ASCC1: variants seen among roughly 807,000 people sequenced by gnomAD.
ASCC1 encodes the protein activating signal cointegrator 1 complex subunit 1.
A neutral mutation model predicts 46.6 loss-of-function variants in ASCC1; 35 were observed. The ratio of observed to expected loss-of-function variants is 0.75; its 90% CI spans 0.57 to 0.99. The LOEUF is 0.99. Ranked by LOEUF, ASCC1 falls within the 50% of genes least tolerant of loss-of-function variation. The pLI, the probability that ASCC1 is intolerant of heterozygous loss-of-function variation, is 0.00. For synonymous variants in ASCC1, 143 were observed against 146.6 expected (o/e 0.98, Z 0.18); for missense variants, 376 against 428.7 (o/e 0.88, Z 1.09).
intron 5 of ASCC1, among the ~76,000 whole-genome samples, chr10:72,186,169 G>GTT (rs113203533): frequency 1.4e-5 from 2 of 146,618 alleles, no homozygotes; most frequent in Admixed American, 6.9e-5. Context: ...AACTGTTTTT[G>GTT]TTTTTTTTTT....
At chr10:72,132,304 C>T (rs1845706157) in intron 8 of ASCC1, among the ~76,000 whole-genome samples, 1 of 152,174 alleles carries the variant, frequency 6.6e-6, no homozygotes, top group African/African-American at 2.4e-5. Flanking sequence ...GAATGTGTGA[C>T]TCCTGATCCG....
At chr10:72,146,810 T>A (rs1486256008) in intron 7 of ASCC1, among the ~76,000 whole-genome samples, 6 of 152,118 alleles carry the variant, frequency 3.9e-5, no homozygotes. Context: ...CATTCAATCA[T>A]TTAAGGGAAT....
At chr10:72,118,528 C>G (rs892513117) in intron 9 of ASCC1, among the ~76,000 whole-genome samples, 2 of 151,968 alleles carry the variant, frequency 1.3e-5, no homozygotes, top group African/African-American at 4.8e-5. Context: ...GCCTGTAATC[C>G]TAACACTTCA....
At chr10:72,165,347 C>T (rs1850207308) in intron 5 of ASCC1, among the ~76,000 whole-genome samples, 1 of 152,144 alleles carries the variant, frequency 6.6e-6, no homozygotes, top group Admixed American at 6.6e-5. Flanking sequence ...AACTCCTGAC[C>T]TCAGGTGATC....
chr10:72,178,498 C>G (rs1309125911), intron 5 of ASCC1, among the ~76,000 whole-genome samples: 1 of 152,162 alleles, frequency 6.6e-6, no homozygotes, highest in Non-Finnish European at 1.5e-5. Flanking sequence ...AGTCACGTGT[C>G]AAGGAAACGG....
chr10:72,121,794 T>C (rs933747462), intron 9 of ASCC1, among the ~76,000 whole-genome samples: 1 of 152,226 alleles, frequency 6.6e-6, no homozygotes, highest in African/African-American at 2.4e-5. Context: ...CTCACTATTA[T>C]AGTTGGAGAC....
At chr10:72,161,771 G>GTT in intron 5 of ASCC1, 97 bp from the exon 6 acceptor site, 1 of 1,443,544 alleles carries the variant, frequency 6.9e-7, no homozygotes, top group Non-Finnish European at 9.6e-7. Context: ...CACACCTACA[G>GTT]CCAAGTGATT....
chr10:72,172,893 T>C (rs1288535398), intron 5 of ASCC1, among the ~76,000 whole-genome samples: 1 of 128,686 alleles, frequency 7.8e-6, no homozygotes, highest in Non-Finnish European at 1.6e-5. Flanking sequence ...TTTTATATTA[T>C]ATATATTATA....
rs138909606 is a variant in ASCC1 at position 72,138,429 on chromosome 10, C to T, written c.747-5248G>A. On this transcript the variant is annotated intron_variant, in intron 7 of 9. Transcript: ENST00000672957. ...GAAAACTAGGATTTCTGACAATTTACAGACTCAAAACTTTGAAGGGACTAA... is the reference window on the plus strand; with the variant it reads ...GAAAACTAGGATTTCTGACAATTTATAGACTCAAAACTTTGAAGGGACTAA... Among the ~76,000 whole-genome samples the T allele has an allele frequency of 4.0e-3, 607 of 152,166 alleles. 3 individuals carry two copies. Among genetic ancestry groups the T allele is most frequent in the African/African-American group, 0.013 (551 of 41,502 alleles).
In ASCC1 at chr10:72,144,157, A is replaced by C. The variant is rs1470359863; in HGVS notation, c.746+8712T>G. Among the ~76,000 whole-genome samples the C allele has an allele frequency of 2.0e-5, 3 of 152,008 alleles. No individual in the cohort carries two copies. The East Asian group carries it at 5.8e-4, about 29-fold the overall frequency. On this transcript the variant is annotated intron_variant, in intron 7 of 9. Coordinates refer to ENST00000672957, the MANE Select transcript of ASCC1 (RefSeq NM_001198800.3). ...ACGCCCAGCTAATTTTTGTATTTTT[A>C]GTAGAGATGGGGTTTCACCATCTTG...
chr10:72,118,851 TTAA>T (rs888668880), intron 9 of ASCC1, among the ~76,000 whole-genome samples: 12 of 152,138 alleles, frequency 7.9e-5, no homozygotes, highest in African/African-American at 2.4e-4. Flanking sequence ...TTTGCAAGCA[TTAA>T]TATCTTTTTT....
At chr10:72,206,902 C>G (rs530034170) in intron 3 of ASCC1, among the ~76,000 whole-genome samples, 7 of 152,226 alleles carry the variant, frequency 4.6e-5, no homozygotes, top group Admixed American at 2.0e-4. Flanking sequence ...TCCAGCCCAC[C>G]ACCACAGCAC....
intron 8 of ASCC1, 78 bp from the exon 9 acceptor site, chr10:72,128,245 T>C: frequency 1.6e-6 from 2 of 1,254,226 alleles, no homozygotes; most frequent in Non-Finnish European, 2.3e-6. Context: ...GGTACATAGG[T>C]ACGACTAGCA....
chr10:72,179,565 G>A (rs1033797207), intron 5 of ASCC1, among the ~76,000 whole-genome samples: 11 of 152,136 alleles, frequency 7.2e-5, no homozygotes, highest in Non-Finnish European at 1.3e-4. Context: ...ACGCAACTTC[G>A]TATCACTGCT....
At chr10:72,129,302 C>T (rs1448176218) in intron 8 of ASCC1, among the ~76,000 whole-genome samples, 4 of 152,166 alleles carry the variant, frequency 2.6e-5, no homozygotes, top group Admixed American at 1.3e-4. Flanking sequence ...GTGGAAACAA[C>T]ACAAATGTCC....
At chr10:72,128,684 T>C (rs1845187930) in intron 8 of ASCC1, among the ~76,000 whole-genome samples, 1 of 152,222 alleles carries the variant, frequency 6.6e-6, no homozygotes, top group South Asian at 2.1e-4. Flanking sequence ...AAAGGTATCC[T>C]TACAGATATT....
intron 9 of ASCC1, among the ~76,000 whole-genome samples, chr10:72,125,827 T>A (rs1844800400): frequency 6.6e-6 from 1 of 152,228 alleles, no homozygotes; most frequent in African/African-American, 2.4e-5. Context: ...TATATTCTAA[T>A]TGTCTATTAA....
At chr10:72,149,538 A>T (rs1005938864) in intron 7 of ASCC1, among the ~76,000 whole-genome samples, 1 of 152,036 alleles carries the variant, frequency 6.6e-6, no homozygotes, top group Admixed American at 6.6e-5. Context: ...GTAAATACTG[A>T]CAGATACAAC....
intron 5 of ASCC1, among the ~76,000 whole-genome samples, chr10:72,191,224 A>ATT (rs1216894388): frequency 2.2e-5 from 3 of 134,282 alleles, no homozygotes; most frequent in African/African-American, 5.5e-5. Context: ...TGCCCAGCTA[A>ATT]TTTTTTTTTT....
Sources: gnomAD v4.1 joint callset for allele counts (sites outside exome capture counted in the v4.1 genomes callset) on GRCh38, gnomAD v4.1.1 for gene constraint, MANE v1.5 for transcripts, NCBI Gene and HGNC (gene_info 2026-07-23, HGNC 2026-07-21) for gene names.